The following IGSF10 variants were observed in gnomAD, a reference collection of about 807,000 sequenced individuals.
The protein encoded by IGSF10 is calvaria mechanical force protein 608.
IGSF10 carries 126 observed loss-of-function variants against 128.2 expected under a neutral mutation model. That is an observed-to-expected ratio of 0.98 (90% CI 0.85 to 1.14). The LOEUF is 1.14. IGSF10 is among the 50% of genes most tolerant of loss of function. The probability of loss-of-function intolerance (pLI) is 0.00; values close to 1 mark genes in which losing one functional copy is unlikely to be tolerated. For synonymous variants in IGSF10, 1,185 were observed against 1,146.2 expected (o/e 1.03, Z -0.68); for missense variants, 3,295 against 3,149.8 (o/e 1.05, Z -1.10).
chr3:151,509,250 C>T, the IGSF10 span, among the ~76,000 whole-genome samples: 1 of 152,148 alleles, frequency 6.6e-6, no homozygotes, highest in Non-Finnish European at 1.5e-5. Flanking sequence ...CAAGAAAATA[C>T]TTTACCAGAT....
chr3:151,587,396 G>A, the IGSF10 span, among the ~76,000 whole-genome samples: 2 of 152,156 alleles, frequency 1.3e-5, no homozygotes, highest in Admixed American at 6.5e-5. Flanking sequence ...TTGAGAATGT[G>A]TAATTTTTGT....
chr3:151,502,479 G>A, the IGSF10 span, among the ~76,000 whole-genome samples: 1 of 151,908 alleles, frequency 6.6e-6, no homozygotes, highest in Non-Finnish European at 1.5e-5. Context: ...CACTAAAAAA[G>A]CAGATAAACA....
At chr3:151,467,250 T>C in the IGSF10 span, among the ~76,000 whole-genome samples, 2 of 152,104 alleles carry the variant, frequency 1.3e-5, 1 homozygote, top group South Asian at 4.1e-4. Flanking sequence ...CCTTTCACCC[T>C]GAAGATGATG....
chr3:151,603,224 C>T, the IGSF10 span, among the ~76,000 whole-genome samples: 2 of 152,204 alleles, frequency 1.3e-5, no homozygotes, highest in African/African-American at 4.8e-5. Context: ...GAAGGCCTCA[C>T]TGTGGAACTC....
the IGSF10 span, among the ~76,000 whole-genome samples, chr3:151,556,276 A>T: frequency 6.6e-6 from 1 of 152,214 alleles, no homozygotes; most frequent in Non-Finnish European, 1.5e-5. Flanking sequence ...AAGTACCACT[A>T]ACACAGACTA....
the IGSF10 span, among the ~76,000 whole-genome samples, chr3:151,552,432 A>G: frequency 3.8e-3 from 578 of 152,280 alleles, 11 homozygotes; most frequent in East Asian, 0.033. Context: ...GAAGATGACA[A>G]ACTAGTGTCC....
chr3:151,478,392 T>C, the IGSF10 span, among the ~76,000 whole-genome samples: 3 of 152,352 alleles, frequency 2.0e-5, no homozygotes, highest in East Asian at 5.8e-4. Context: ...AATCCAGGAC[T>C]AAATATCTAA....
chr3:151,599,425 T>C, the IGSF10 span, among the ~76,000 whole-genome samples: 1 of 152,154 alleles, frequency 6.6e-6, no homozygotes, highest in Non-Finnish European at 1.5e-5. Context: ...CTGGTAACAT[T>C]AGAGCTTAGC....
At position 151,437,792 on chromosome 3, in the gene IGSF10, T is replaced by C. The variant is rs1390688233; in HGVS notation, c.6769A>G (p.Lys2257Glu). The C allele has an allele frequency of 6.2e-7, 1 of 1,613,894 alleles. No homozygotes were observed. The highest frequency in any genetic ancestry group is 2.2e-5 in the East Asian group (1 of 44,874). The change falls in exon 8 of 8, where the codon AAA (lysine) becomes GAA (glutamate). Residue 2257 changes from lysine (K) to glutamate (E), a missense_variant. By Grantham distance (56) the Lys-to-Glu change is moderately conservative. Coordinates refer to ENST00000282466, the MANE Select transcript of IGSF10 (RefSeq NM_178822.5). ...CCTTCAGCTCTGCAGTCAAAGTGTT[T>C]TTTGGAATGTCTCACAGCTGTGGCT... ...IKATAVRHSK[K>E]HFDCRAEGTP...
rs199770984 is a variant in IGSF10, at chr3:151,448,339, C to T, written c.1642G>A (p.Val548Ile). 154 of 1,614,018 alleles carry T rather than the reference C, an allele frequency of 9.5e-5. No homozygotes were observed. The highest frequency in any genetic ancestry group is 1.1e-4 in the Non-Finnish European group (131 of 1,179,978). ...TAATTGCTGCTTATACAGTGATATA[C>T]GCCTGTGTCAAAACTATCAGCCATC... The part of the protein sequence containing the change: ...LQMADSFDTG[V>I]YHCISSNYDD... Residue 548 changes from valine to isoleucine, a missense_variant, in exon 6 of 8, where the codon GTA becomes ATA. By Grantham distance (29) the Val-to-Ile change is conservative (BLOSUM62 3). Coordinates refer to ENST00000282466, the MANE Select transcript of IGSF10 (RefSeq NM_178822.5).
At chr3:151,482,841 T>C in the IGSF10 span, among the ~76,000 whole-genome samples, 1 of 151,192 alleles carries the variant, frequency 6.6e-6, no homozygotes, top group Non-Finnish European at 1.5e-5. Flanking sequence ...TTACTATTAG[T>C]GGATTTCTAA....
At chr3:151,542,355 T>A in the IGSF10 span, among the ~76,000 whole-genome samples, 3 of 152,280 alleles carry the variant, frequency 2.0e-5, no homozygotes, top group Admixed American at 1.3e-4. Context: ...TACTTTAACA[T>A]AAGTAGAATT....
chr3:151,513,779 G>A, the IGSF10 span, among the ~76,000 whole-genome samples: 8 of 152,114 alleles, frequency 5.3e-5, no homozygotes, highest in African/African-American at 1.9e-4. Flanking sequence ...AACGTCTCAG[G>A]ATACAAAATC....
chr3:151,598,465 A>T, the IGSF10 span, among the ~76,000 whole-genome samples: 24 of 152,232 alleles, frequency 1.6e-4, no homozygotes, highest in African/African-American at 5.8e-4. Context: ...GTGAGTATCC[A>T]TGGGGGATTG....
chr3:151,564,251 C>A, the IGSF10 span, among the ~76,000 whole-genome samples: 2 of 151,922 alleles, frequency 1.3e-5, no homozygotes, highest in African/African-American at 4.8e-5. Flanking sequence ...TTAATTTGAC[C>A]AAGCTGATAT....
At chr3:151,594,622 CTTTTT>C in the IGSF10 span, among the ~76,000 whole-genome samples, 1 of 135,490 alleles carries the variant, frequency 7.4e-6, no homozygotes, top group African/African-American at 2.7e-5. Context: ...GCGCCCGGCC[CTTTTT>C]TTTTTTTTTT....
the IGSF10 span, among the ~76,000 whole-genome samples, chr3:151,518,940 A>T: frequency 1.3e-5 from 2 of 151,860 alleles, no homozygotes; most frequent in East Asian, 3.9e-4. Context: ...CTCTTACCAA[A>T]ATGGTGACTT....
At chr3:151,596,780 A>T in the IGSF10 span, among the ~76,000 whole-genome samples, 1 of 152,234 alleles carries the variant, frequency 6.6e-6, no homozygotes, top group Non-Finnish European at 1.5e-5. Context: ...ATGGGTGAGC[A>T]TGTAAACTAA....
chr3:151,530,762 A>G, the IGSF10 span, among the ~76,000 whole-genome samples: 44,362 of 152,100 alleles, frequency 0.29, 7,383 homozygotes, highest in Middle Eastern at 0.42. Flanking sequence ...TCAAAAACAT[A>G]CCAAATTGTA....
Sources: allele counts gnomAD v4.1 joint callset (sites outside exome capture counted in the v4.1 genomes callset), GRCh38; gene constraint gnomAD v4.1.1; transcripts MANE v1.5; gene names NCBI Gene and HGNC (gene_info 2026-07-23, HGNC 2026-07-21).